The following MED13L variants were observed in gnomAD, a reference collection of about 807,000 sequenced individuals.
The protein encoded by MED13L is mediator of RNA polymerase II transcription subunit 13-like.
MED13L carries 7 observed loss-of-function variants against 220.9 expected under a neutral mutation model. The ratio of observed to expected loss-of-function variants is 0.03; its 90% CI spans 0.02 to 0.06. MED13L has a LOEUF of 0.06. Among genes scored for constraint, MED13L ranks in the 10% least tolerant of loss-of-function variants. The probability of loss-of-function intolerance (pLI) is 1.00; values close to 1 mark genes in which losing one functional copy is unlikely to be tolerated. For synonymous variants in MED13L, 1,011 were observed against 1,015.2 expected, an observed-to-expected ratio of 1.00 and a Z score of 0.08; for missense variants, 1,965 against 2,760.5, an observed-to-expected ratio of 0.71 and a Z score of 6.46.
intron 1 of MED13L, among the ~76,000 whole-genome samples, chr12:116,265,495 A>G (rs995150745): frequency 5.9e-5 from 9 of 152,176 alleles, no homozygotes; most frequent in Non-Finnish European, 1.3e-4. Flanking sequence ...AATAGTTTCT[A>G]TATCGTCTTG....
At chr12:116,156,251 G>C (rs910777889) in intron 2 of MED13L, among the ~76,000 whole-genome samples, 4 of 151,642 alleles carry the variant, frequency 2.6e-5, no homozygotes, top group Non-Finnish European at 5.9e-5. Flanking sequence ...AATGTCTCCA[G>C]CAAGTTATAA....
At chr12:116,011,641 A>G (rs1879410468) in intron 9 of MED13L, among the ~76,000 whole-genome samples, 3 of 152,244 alleles carry the variant, frequency 2.0e-5, no homozygotes, top group Non-Finnish European at 2.9e-5. Flanking sequence ...CCTAGAGACA[A>G]GAGTAAAGTA....
At chr12:116,145,747 G>A (rs917959928) in intron 2 of MED13L, among the ~76,000 whole-genome samples, 8 of 150,450 alleles carry the variant, frequency 5.3e-5, no homozygotes, top group African/African-American at 1.5e-4. Flanking sequence ...GGCTGGTCTT[G>A]AACTCCTGGC....
At chr12:116,147,528 T>A (rs1172162730) in intron 2 of MED13L, among the ~76,000 whole-genome samples, 1 of 152,236 alleles carries the variant, frequency 6.6e-6, no homozygotes, top group Admixed American at 6.5e-5. Flanking sequence ...TGGTGAAATA[T>A]GTTCATACAT....
intron 4 of MED13L, among the ~76,000 whole-genome samples, chr12:116,047,433 G>A (rs893611679): frequency 6.6e-6 from 1 of 152,162 alleles, no homozygotes; most frequent in South Asian, 2.1e-4. Flanking sequence ...TTTGTTGAGA[G>A]CAAGAAACAC....
intron 2 of MED13L, among the ~76,000 whole-genome samples, chr12:116,202,185 A>T (rs1175049027): frequency 1.3e-5 from 2 of 152,254 alleles, no homozygotes; most frequent in Non-Finnish European, 2.9e-5. Context: ...GAAATAACAC[A>T]TACATAATTC....
intron 7 of MED13L, among the ~76,000 whole-genome samples, chr12:116,016,912 G>A (rs1879758306): frequency 6.6e-6 from 1 of 152,122 alleles, no homozygotes; most frequent in Admixed American, 6.5e-5. Context: ...GAGAACCTTG[G>A]TGTTTTTTAG....
At chr12:116,136,838 C>T (rs1049604796) in intron 2 of MED13L, among the ~76,000 whole-genome samples, 3 of 151,978 alleles carry the variant, frequency 2.0e-5, no homozygotes, top group Admixed American at 6.5e-5. Context: ...AACTGGTGAC[C>T]TTCACAACAT....
chr12:115,966,369 A>C, intron 28 of MED13L, 126 bp from the exon 29 acceptor site: 1 of 1,083,534 alleles, frequency 9.2e-7, no homozygotes, highest in Non-Finnish European at 1.4e-6. Context: ...CACAGAAAAC[A>C]ACAGGTGACT....
At chr12:116,233,130 T>C (rs1179763042) in intron 2 of MED13L, among the ~76,000 whole-genome samples, 3 of 150,040 alleles carry the variant, frequency 2.0e-5, no homozygotes, top group African/African-American at 4.9e-5. Context: ...ATTTGTTTGG[T>C]AGATTAGGAG....
intron 2 of MED13L, among the ~76,000 whole-genome samples, chr12:116,235,060 TTC>T (rs1348393683): frequency 2.0e-5 from 3 of 152,206 alleles, no homozygotes; most frequent in African/African-American, 7.2e-5. Context: ...AATTAAAATA[TTC>T]TCTTTGTATC....
chr12:116,232,314 TTA>T (rs1869634696), intron 2 of MED13L, among the ~76,000 whole-genome samples: 1 of 152,190 alleles, frequency 6.6e-6, no homozygotes, highest in Non-Finnish European at 1.5e-5. Flanking sequence ...TATCCTTAAT[TTA>T]TATGTCTAAT....
chr12:116,146,441 CT>C (rs59659609), intron 2 of MED13L, among the ~76,000 whole-genome samples: 11,668 of 144,758 alleles, frequency 0.081, 457 homozygotes, highest in South Asian at 0.1. Flanking sequence ...TTGTTTTTTC[CT>C]TTTTTTTTTT....
intron 25 of MED13L, among the ~76,000 whole-genome samples, chr12:115,974,890 A>G (rs1395947220): frequency 6.6e-6 from 1 of 152,236 alleles, no homozygotes; most frequent in Non-Finnish European, 1.5e-5. Context: ...TTCAATATAT[A>G]AATAAATGTT....
intron 2 of MED13L, among the ~76,000 whole-genome samples, chr12:116,165,609 C>T (rs141388165): frequency 1.3e-5 from 2 of 151,950 alleles, no homozygotes; most frequent in African/African-American, 2.4e-5. Context: ...GGAGTACAGG[C>T]GTGAGCCACC....
chr12:116,069,120 G>A (rs987204915), intron 4 of MED13L, among the ~76,000 whole-genome samples: 4 of 152,150 alleles, frequency 2.6e-5, no homozygotes, highest in East Asian at 1.9e-4. Flanking sequence ...CAGTCTATAC[G>A]CCAGAAACAG....
At chr12:116,017,776 T>C (rs1043611366) in intron 7 of MED13L, among the ~76,000 whole-genome samples, 5 of 152,062 alleles carry the variant, frequency 3.3e-5, no homozygotes, top group Admixed American at 2.0e-4. Context: ...TCACCATGCA[T>C]AGCTCATTTT....
intron 30 of MED13L, 77 bp from the exon 31 acceptor site, chr12:115,961,475 G>C: frequency 6.4e-7 from 1 of 1,574,546 alleles, no homozygotes; most frequent in Non-Finnish European, 8.7e-7. Context: ...ATACATTCCA[G>C]ATCTTAGCAG....
chr12:116,194,077 G>C (rs1881456629), intron 2 of MED13L, among the ~76,000 whole-genome samples: 1 of 152,100 alleles, frequency 6.6e-6, no homozygotes, highest in Non-Finnish European at 1.5e-5. Context: ...TAAAGATGTA[G>C]ATGTAAATGA....
Sources: gnomAD v4.1 joint callset for allele counts (sites outside exome capture counted in the v4.1 genomes callset) on GRCh38, gnomAD v4.1.1 for gene constraint, MANE v1.5 for transcripts, NCBI Gene and HGNC (gene_info 2026-07-23, HGNC 2026-07-21) for gene names.